Variants in SPCS2 observed in about 807,000 individuals in gnomAD.
SPCS2 encodes signal peptidase complex subunit 2, also known as SPase 25 kDa subunit.
SPCS2 carries 3 observed loss-of-function variants against 22.3 expected under a neutral mutation model. That is an observed-to-expected ratio of 0.13 (90% CI 0.06 to 0.35). The LOEUF is 0.35. SPCS2 is among the 10% of genes least tolerant of loss of function. The probability of loss-of-function intolerance (pLI) is 1.00; values close to 1 mark genes in which losing one functional copy is unlikely to be tolerated. For synonymous variants in SPCS2, 67 were observed against 97.2 expected (o/e 0.69, Z 1.83); for missense variants, 169 against 280.9 (o/e 0.60, Z 2.85).
chr11:74,976,881 G>A lies in SPCS2; in HGVS notation c.519G>A (p.Lys173=), dbSNP rs763005747. The change falls in exon 5 of 5, where the codon AAG becomes AAA. Residue 173 remains lysine (K), a synonymous_variant. Transcript: ENST00000263672. The part of the protein sequence containing the change: ...LKRFDDKYTL[K]LTFISGRTKQ... ...GGTTTGATGACAAATACACCTTGAA[G>A]CTGACCTTCATCAGTGGGAGAACAA... is the stretch of plus-strand genomic sequence containing the variant. 4 of 1,613,448 alleles carry A rather than the reference G, an allele frequency of 2.5e-6. No homozygotes were observed. The highest frequency in any genetic ancestry group is 2.2e-5 in the South Asian group (2 of 90,998).
chr11:74,963,663 G>A (rs1379904940), intron 1 of SPCS2: 2 of 423,164 alleles, frequency 4.7e-6, no homozygotes, highest in African/African-American at 2.1e-5. Context: ...TGCCACCTCA[G>A]CCTCCCAAGT....
intron 1 of SPCS2, among the ~76,000 whole-genome samples, chr11:74,950,800 C>G (rs1223141523): frequency 1.3e-5 from 2 of 152,236 alleles, no homozygotes; most frequent in African/African-American, 4.8e-5. Context: ...CCCACCTTGG[C>G]TCCCCAAAGT....
Position 74,976,939 on chromosome 11 carries a change from A to T in SPCS2, c.577A>T (p.Ile193Phe). The change falls in exon 5 of 5, where the codon ATT becomes TTT. Residue 193 changes from isoleucine to phenylalanine, a missense_variant. Physicochemically the swap from Ile to Phe is conservative, Grantham distance 21. Transcript: ENST00000263672. Reference sequence around the variant, plus strand: ...GCGGGAAGCCGAGTTCACAAAGTCCATTGCTAAGTTTTTTGACCACAGTGG... The same window carrying T: ...GCGGGAAGCCGAGTTCACAAAGTCCTTTGCTAAGTTTTTTGACCACAGTGG... ...QQREAEFTKS[I>F]AKFFDHSGTL... The T allele has an allele frequency of 1.9e-6, 3 of 1,613,052 alleles. No individual in the cohort carries two copies.
At chr11:74,963,603 T>G (rs1342775519) in intron 1 of SPCS2, 1 of 441,078 alleles carries the variant, frequency 2.3e-6, no homozygotes, top group East Asian at 7.3e-5. Flanking sequence ...AGAGACAAGC[T>G]CTCACTATAT....
intron 1 of SPCS2, among the ~76,000 whole-genome samples, chr11:74,952,887 G>A (rs1297493243): frequency 6.6e-6 from 1 of 152,148 alleles, no homozygotes; most frequent in African/African-American, 2.4e-5. Context: ...CACTTACACT[G>A]CACATGGGAA....
At chr11:74,972,710 A>G (rs1591742256) in intron 4 of SPCS2, among the ~76,000 whole-genome samples, 1 of 147,224 alleles carries the variant, frequency 6.8e-6, no homozygotes. Context: ...CTCTATGAAC[A>G]TTCCCTTCTC....
At chr11:74,955,741 G>A (rs941743152) in intron 1 of SPCS2, among the ~76,000 whole-genome samples, 16 of 150,338 alleles carry the variant, frequency 1.1e-4, no homozygotes, top group African/African-American at 3.9e-4. Flanking sequence ...GTCTTTCCTG[G>A]AGTAACCCTT....
rs1354318852 is a variant in SPCS2, at chr11:74,978,574, G to T, written c.*1531G>T. 6.6e-6 allele frequency: 1 copy of T among 152,084 alleles called. No homozygotes were observed. Among genetic ancestry groups the T allele is most frequent in the Non-Finnish European group, 1.5e-5 (1 of 68,016 alleles). 9.4% of individuals were successfully genotyped at this position (152,084 alleles called of 1,614,324 possible). On this transcript the variant is annotated 3_prime_UTR_variant, in exon 5 of 5. Coordinates refer to ENST00000263672, the MANE Select transcript of SPCS2 (RefSeq NM_014752.3). ...ATGCTCAAGTCCCTTATATAAAATG[G>T]TATAGCATTTGCATATAACCTACAC...
intron 2 of SPCS2, among the ~76,000 whole-genome samples, chr11:74,965,530 T>C (rs1317425390): frequency 6.6e-6 from 1 of 152,156 alleles, no homozygotes; most frequent in African/African-American, 2.4e-5. Context: ...GTAAAACATT[T>C]TAGCTGTGGG....
rs1001287141 is a variant in SPCS2, at chr11:74,978,903, A to T, written c.*1860A>T. The T allele has an allele frequency of 6.6e-6, 1 of 151,844 alleles. No individual in the cohort carries two copies. Among genetic ancestry groups the T allele is most frequent in the Non-Finnish European group, 1.5e-5 (1 of 67,958 alleles). The allele number at this position is 151,844 out of a possible 1,614,324, so 9.4% of individuals were successfully genotyped here. Reference sequence around the variant, plus strand: ...CATGCAAACATGTGTCTCCACATACATTTTTTTTAACAAAAATTGAATTAT... The same window carrying T: ...CATGCAAACATGTGTCTCCACATACTTTTTTTTTAACAAAAATTGAATTAT... On this transcript the variant is annotated 3_prime_UTR_variant, in exon 5 of 5. Transcript: ENST00000263672.
intron 3 of SPCS2, among the ~76,000 whole-genome samples, chr11:74,968,509 GTT>G (rs1244678718): frequency 7.3e-6 from 1 of 136,240 alleles, no homozygotes; most frequent in African/African-American, 2.8e-5. Context: ...GTTTTTGTGG[GTT>G]TTTTTTGTTT....
At chr11:74,953,909 C>T (rs1304573612) in intron 1 of SPCS2, among the ~76,000 whole-genome samples, 1 of 152,194 alleles carries the variant, frequency 6.6e-6, no homozygotes, top group Non-Finnish European at 1.5e-5. Context: ...CCCTTTTAGC[C>T]TTATACCTGG....
At chr11:74,974,678 G>A (rs771781006) in intron 4 of SPCS2, among the ~76,000 whole-genome samples, 16 of 152,106 alleles carry the variant, frequency 1.1e-4, no homozygotes, top group South Asian at 2.1e-4. Flanking sequence ...GCAGTGGCGC[G>A]ATCTCGGCTC....
chr11:74,966,863 A>T (rs894897807), intron 3 of SPCS2, among the ~76,000 whole-genome samples: 40 of 152,084 alleles, frequency 2.6e-4, no homozygotes, highest in African/African-American at 9.7e-4. Context: ...TCCTGGCTCG[A>T]GCAATTCTCC....
chr11:74,951,803 T>C (rs1230530388), intron 1 of SPCS2, among the ~76,000 whole-genome samples: 16 of 58,500 alleles, frequency 2.7e-4, no homozygotes, highest in Non-Finnish European at 5.4e-4. Context: ...AGAGGGAAAC[T>C]CTGTCTCAAA....
intron 1 of SPCS2, among the ~76,000 whole-genome samples, chr11:74,960,174 A>G (rs1365868875): frequency 6.6e-6 from 1 of 152,208 alleles, no homozygotes; most frequent in Non-Finnish European, 1.5e-5. Flanking sequence ...CTATTAAAAA[A>G]TACAAAAATT....
chr11:74,977,943 CA>C lies in SPCS2; in HGVS notation c.*901del, dbSNP rs1948624997. On this transcript the variant is annotated 3_prime_UTR_variant, in exon 5 of 5. Coordinates refer to ENST00000263672, the MANE Select transcript of SPCS2 (RefSeq NM_014752.3). ...TGCCAGAAATGCTCCAAGTACTTTA[CA>C]TGTGTTAATAATGCTCACAGCAATC... The C allele has an allele frequency of 6.6e-6, 1 of 152,182 alleles. No individual in the cohort carries two copies. The highest frequency in any genetic ancestry group is 2.1e-4 in the South Asian group (1 of 4,824). 9.4% of individuals were successfully genotyped at this position (152,182 alleles called of 1,614,324 possible).
At chr11:74,971,591 C>A (rs546933914) in intron 4 of SPCS2, among the ~76,000 whole-genome samples, 1 of 152,170 alleles carries the variant, frequency 6.6e-6, no homozygotes, top group Non-Finnish European at 1.5e-5. Flanking sequence ...CTCCCTCCCC[C>A]ACCTCACCGA....
intron 2 of SPCS2, among the ~76,000 whole-genome samples, 156 bp from the exon 3 acceptor site, chr11:74,965,607 G>A (rs1488097290): frequency 6.6e-6 from 1 of 152,106 alleles, no homozygotes; most frequent in Non-Finnish European, 1.5e-5. Flanking sequence ...GTTCTTTATA[G>A]AAGGCTTGAG....
Sources: gnomAD v4.1 joint callset for allele counts (sites outside exome capture counted in the v4.1 genomes callset) on GRCh38, gnomAD v4.1.1 for gene constraint, MANE v1.5 for transcripts, NCBI Gene and HGNC (gene_info 2026-07-23, HGNC 2026-07-21) for gene names.